Variants in SNURF observed in about 807,000 individuals in gnomAD.
The protein encoded by SNURF is SNURF protein.
A neutral mutation model predicts 11.6 loss-of-function variants in SNURF; 6 were observed. That is an observed-to-expected ratio of 0.52 (90% CI 0.28 to 1.02). The LOEUF is 1.02. SNURF is among the 50% of genes least tolerant of loss of function. The pLI, the probability that SNURF is intolerant of heterozygous loss-of-function variation, is 0.09. For missense variants in SNURF, 84 were observed against 88.4 expected, an observed-to-expected ratio of 0.95 and a Z score of 0.20; for synonymous variants, 29 against 31.6, an observed-to-expected ratio of 0.92 and a Z score of 0.27.
chr15:24,956,914 G>A (rs1008822213), intron 1 of SNURF, among the ~76,000 whole-genome samples: 8 of 152,296 alleles, frequency 5.3e-5, no homozygotes, highest in Non-Finnish European at 8.8e-5. Context: ...GGCCATCAAA[G>A]GTGCAGCCAC....
At chr15:24,978,652 A>G (rs1596357124), downstream of SNURF, 1 of 607,198 alleles carries the variant, frequency 1.6e-6, no homozygotes, top group South Asian at 2.0e-5. Context: ...GATGAGGGTG[A>G]TGCCTATTAA....
chr15:24,976,908 C>G, exon 6 of SNURF: 1 of 1,608,358 alleles, frequency 6.2e-7, no homozygotes, highest in Admixed American at 1.7e-5. Flanking sequence ...CTTGCTGGAG[C>G]TGCTGGAGGC....
At chr15:24,956,558 T>C (rs2062938720) in intron 1 of SNURF, among the ~76,000 whole-genome samples, 1 of 151,962 alleles carries the variant, frequency 6.6e-6, no homozygotes, top group East Asian at 1.9e-4. Context: ...GCAGCAGAGG[T>C]GACAGTCGCC....
intron 1 of SNURF, among the ~76,000 whole-genome samples, chr15:24,957,683 G>A (rs1186905773): frequency 6.6e-6 from 1 of 152,032 alleles, no homozygotes; most frequent in African/African-American, 2.4e-5. Context: ...CTATTTTTGG[G>A]TAGTTTTAAA....
chr15:24,974,317 T>C, intron 3 of SNURF: 2 of 785,418 alleles, frequency 2.5e-6, no homozygotes, highest in Non-Finnish European at 2.3e-6. Context: ...GCAGGCTCCA[T>C]CTACTCTTTG....
At chr15:24,975,521 T>C in intron 4 of SNURF, 1 of 1,611,012 alleles carries the variant, frequency 6.2e-7, no homozygotes, top group Non-Finnish European at 8.5e-7. Context: ...TAAGGCTGAT[T>C]TGGGCAAATG....
chr15:24,976,381 G>A (rs2077059554), exon 5 of SNURF: 1 of 1,613,050 alleles, frequency 6.2e-7, no homozygotes, highest in African/African-American at 1.3e-5. Flanking sequence ...GGAGAACTTG[G>A]TATCCATGAC....
At chr15:24,956,721 T>C (rs1489540437) in intron 1 of SNURF, among the ~76,000 whole-genome samples, 1 of 152,124 alleles carries the variant, frequency 6.6e-6, no homozygotes, top group African/African-American at 2.4e-5. Flanking sequence ...GGGAGATGGG[T>C]TGGCGCAGGC....
downstream of SNURF, among the ~76,000 whole-genome samples, chr15:24,969,321 G>A (rs1207442624): frequency 6.6e-6 from 1 of 152,006 alleles, no homozygotes; most frequent in Non-Finnish European, 1.5e-5. Flanking sequence ...TAGAGACGGG[G>A]TTTCACCATG....
intron 1 of SNURF, chr15:24,958,730 G>A (rs968935865): frequency 6.5e-6 from 1 of 152,780 alleles, no homozygotes; most frequent in East Asian, 1.9e-4. Context: ...TTATTTTTTT[G>A]TTTTTAGGAG....
At chr15:24,977,455 G>A (rs1279040719) in intron 6 of SNURF, among the ~76,000 whole-genome samples, 1 of 151,950 alleles carries the variant, frequency 6.6e-6, no homozygotes, top group African/African-American at 2.4e-5. Flanking sequence ...CCCGGCCCAC[G>A]TGGTGAAAAC....
intron 1 of SNURF, 27 bp downstream of exon 1, chr15:24,955,089 A>G (rs752253979): frequency 8.7e-6 from 14 of 1,613,516 alleles, no homozygotes; most frequent in Middle Eastern, 1.7e-4. Context: ...GCTTCTCTCA[A>G]GAGACAGCCT....
chr15:24,960,793 T>C (rs1394328444), intron 1 of SNURF, among the ~76,000 whole-genome samples: 4 of 152,176 alleles, frequency 2.6e-5, no homozygotes, highest in Non-Finnish European at 4.4e-5. Flanking sequence ...AAAAATACTT[T>C]TTTGAGGTGT....
intron 3 of SNURF, chr15:24,974,386 G>A (rs920200728): frequency 8.1e-6 from 12 of 1,485,784 alleles, no homozygotes; most frequent in Non-Finnish European, 1.0e-5. Context: ...TTTATCTATA[G>A]CCTTCCCCTA....
downstream of SNURF, among the ~76,000 whole-genome samples, chr15:24,970,503 C>T (rs1476324804): frequency 6.6e-6 from 1 of 152,050 alleles, no homozygotes; most frequent in East Asian, 1.9e-4. Flanking sequence ...TTCTTGAACC[C>T]TAGGGGCAGA....
At chr15:24,972,652 TTG>T (rs2076572103), downstream of SNURF, among the ~76,000 whole-genome samples, 1 of 151,672 alleles carries the variant, frequency 6.6e-6, no homozygotes, top group Non-Finnish European at 1.5e-5. Flanking sequence ...CAAAAGTAAT[TTG>T]TGTTTCATTT....
At chr15:24,977,689 C>T in intron 6 of SNURF, 1 of 1,274,376 alleles carries the variant, frequency 7.8e-7, no homozygotes, top group Non-Finnish European at 1.1e-6. Flanking sequence ...TTGTTTGTAA[C>T]TAATTGGTCA....
chr15:24,978,041 T>C, downstream of SNURF: 1 of 1,206,488 alleles, frequency 8.3e-7, no homozygotes, highest in Admixed American at 2.3e-5. Flanking sequence ...ATACTGGTTT[T>C]TAATGAAAGA....
chr15:24,978,052 C>A, downstream of SNURF: 1 of 1,185,478 alleles, frequency 8.4e-7, no homozygotes, highest in Non-Finnish European at 1.2e-6. Context: ...TAATGAAAGA[C>A]ATAGAAGAGT....
Sources: gnomAD v4.1 joint callset for allele counts (sites outside exome capture counted in the v4.1 genomes callset) on GRCh38, gnomAD v4.1.1 for gene constraint, MANE v1.5 for transcripts, NCBI Gene and HGNC (gene_info 2026-07-23, HGNC 2026-07-21) for gene names.